The following CIP2A variants were observed in gnomAD, a reference collection of about 807,000 sequenced individuals.
CIP2A encodes protein CIP2A.
CIP2A carries 103 observed loss-of-function variants against 110.9 expected under a neutral mutation model. That is an observed-to-expected ratio of 0.93 (90% CI 0.79 to 1.09). CIP2A has a LOEUF of 1.09. CIP2A is among the 50% of genes least tolerant of loss of function. CIP2A has a pLI of 0.00. For missense variants in CIP2A, 1,088 were observed against 1,038.4 expected (o/e 1.05, Z -0.66); for synonymous variants, 381 against 361.6 (o/e 1.05, Z -0.61).
intron 12 of CIP2A, among the ~76,000 whole-genome samples, chr3:108,564,525 C>T (rs1405893920): frequency 6.6e-6 from 1 of 151,870 alleles, no homozygotes; most frequent in African/African-American, 2.4e-5. Context: ...CCAGATCAAA[C>T]CAGAAAGGAG....
At chr3:108,556,676 C>T (rs1937814153) in intron 17 of CIP2A, among the ~76,000 whole-genome samples, 1 of 152,128 alleles carries the variant, frequency 6.6e-6, no homozygotes, top group Non-Finnish European at 1.5e-5. Flanking sequence ...TGAACTTATT[C>T]TACAGATGTA....
At position 108,569,617 on chromosome 3, in the gene CIP2A, A is replaced by G; in HGVS notation, c.895-10T>C. On this transcript the variant is annotated splice_polypyrimidine_tract_variant and intron_variant, in intron 8 of 20. Coordinates refer to ENST00000295746, the MANE Select transcript of CIP2A (RefSeq NM_020890.3). ...GAAGTAATTCTAAAACCTGTGCAAT[A>G]TAAAGTGTTCATTAAACATCAATTT... 6.2e-7 allele frequency: 1 copy of G among 1,601,628 alleles called. No homozygotes were observed. Among genetic ancestry groups the G allele is most frequent in the Non-Finnish European group, 8.5e-7 (1 of 1,170,260 alleles).
intron 12 of CIP2A, 108 bp downstream of exon 12, chr3:108,565,247 C>A: frequency 1.7e-6 from 1 of 600,192 alleles, no homozygotes; most frequent in East Asian, 3.1e-5. Flanking sequence ...TTCTCATTGC[C>A]AATTCTAAGA....
Position 108,569,535 on chromosome 3 carries a change from G to A in CIP2A, c.967C>T (p.Gln323Ter). The change falls in exon 9 of 21, where the codon CAG becomes TAG. Residue 323 changes from glutamine to a stop codon, truncating the protein, a stop_gained. Coordinates refer to ENST00000295746, the MANE Select transcript of CIP2A (RefSeq NM_020890.3). LOFTEE classifies it high-confidence loss of function. Reference sequence around the variant, plus strand: ...AGAGTGGCGCTGCCAGGTGGAGACTGTTCAAACATCATCTGAGTGAGCATA... The same window carrying A: ...AGAGTGGCGCTGCCAGGTGGAGACTATTCAAACATCATCTGAGTGAGCATA... The part of the protein sequence containing the change: ...RHMLTQMMFE[Q>*]SPPGSATLGS... 1 of 1,612,758 alleles carries A rather than the reference G, an allele frequency of 6.2e-7. No homozygotes were observed. The highest frequency in any genetic ancestry group is 8.5e-7 in the Non-Finnish European group (1 of 1,179,294).
chr3:108,586,144 A>C (rs985439999), intron 1 of CIP2A, among the ~76,000 whole-genome samples: 2 of 152,184 alleles, frequency 1.3e-5, no homozygotes, highest in African/African-American at 4.8e-5. Flanking sequence ...GCATCCCTCT[A>C]ATCTTTCCTT....
At chr3:108,572,432 G>A (rs889287970) in intron 8 of CIP2A, among the ~76,000 whole-genome samples, 2 of 151,840 alleles carry the variant, frequency 1.3e-5, no homozygotes, top group Admixed American at 1.3e-4. Flanking sequence ...TTGACCCAGC[G>A]TCATTTATTG....
At chr3:108,566,890 G>GT (rs1938209147) in intron 10 of CIP2A, among the ~76,000 whole-genome samples, 2 of 151,714 alleles carry the variant, frequency 1.3e-5, no homozygotes, top group Admixed American at 1.3e-4. Flanking sequence ...TTGGATGTCT[G>GT]TTTTTTGTTA....
intron 3 of CIP2A, among the ~76,000 whole-genome samples, chr3:108,582,578 T>C (rs532403499): frequency 5.3e-5 from 8 of 152,336 alleles, no homozygotes; most frequent in African/African-American, 1.7e-4. Context: ...GTCAATGAAA[T>C]ATGAAGAGCT....
chr3:108,560,123 T>C, intron 14 of CIP2A, 95 bp from the exon 15 acceptor site: 1 of 685,454 alleles, frequency 1.5e-6, no homozygotes, highest in Non-Finnish European at 2.5e-6. Context: ...TCATTAAAAC[T>C]TAATGATGAG....
Position 108,583,087 on chromosome 3 carries a change from T to A in CIP2A, c.251-4A>T, listed in dbSNP as rs1938934986. On this transcript the variant is annotated splice_region_variant and splice_polypyrimidine_tract_variant and intron_variant, in intron 2 of 20. Transcript: ENST00000295746. ...TCTCTGGTTTCAATGTCTACTGCTATAAGTTAAAATAAAAGCACAAAATAT... is the reference window on the plus strand; with the variant it reads ...TCTCTGGTTTCAATGTCTACTGCTAAAAGTTAAAATAAAAGCACAAAATAT... 6.5e-7 allele frequency: 1 copy of A among 1,528,754 alleles called. No individual in the cohort carries two copies. The highest frequency in any genetic ancestry group is 1.8e-5 in the Admixed American group (1 of 55,406). The allele number at this position is 1,528,754 out of a possible 1,614,324, so 94.7% of individuals were successfully genotyped here.
rs1358692474 is a variant in CIP2A, at chr3:108,557,290, T to C, written c.2138A>G (p.His713Arg). 2 of 1,611,476 alleles carry C rather than the reference T, an allele frequency of 1.2e-6. No homozygotes were observed. The highest frequency in any genetic ancestry group is 1.7e-6 in the Non-Finnish European group (2 of 1,178,156). Reference sequence around the variant, plus strand: ...AGCCACAGACTCTAACTTCCTATTATGTTGAAAGAGATGCTCAATATCACT... The same window carrying C: ...AGCCACAGACTCTAACTTCCTATTACGTTGAAAGAGATGCTCAATATCACT... Reference protein sequence around the residue: ...AQSDIEHLFQHNRKLESVAEE... With the variant: ...AQSDIEHLFQRNRKLESVAEE... The change falls in exon 17 of 21, where the codon CAT becomes CGT. Residue 713 changes from histidine to arginine, a missense_variant. By Grantham distance (29) the His-to-Arg change is conservative. Transcript: ENST00000295746.
In CIP2A at chr3:108,582,254, T is replaced by C. The variant is rs568542689; in HGVS notation, c.358-52A>G. 5.2e-6 allele frequency: 4 copies of C among 765,186 alleles called. No individual in the cohort carries two copies. The East Asian group carries it at 8.4e-5, about 16-fold the overall frequency. The allele number at this position is 765,186 out of a possible 1,614,324, so 47.4% of individuals were successfully genotyped here. A position where few individuals can be genotyped will look rare whatever the true frequency, so the allele number is the denominator to read the frequency against. On this transcript the variant is annotated intron_variant, in intron 3 of 20. Transcript: ENST00000295746. ...ATAAAGATATAAAAACATTGCCTGC[T>C]TAAAATAATGGACTCTCAGGCACAT...
Position 108,575,305 on chromosome 3 carries a change from T to TAC in CIP2A, c.894+964_894+965dup, listed in dbSNP as rs576074577. Reference sequence around the variant, plus strand: ...ACGTGTACGTACACACACGTGTACGTACACACACGTGCATGTACACACACG... The same window carrying TAC: ...ACGTGTACGTACACACACGTGTACGTACACACACACGTGCATGTACACACACG... On this transcript the variant is annotated intron_variant, in intron 8 of 20. Transcript: ENST00000295746. 1.3e-3 allele frequency among the ~76,000 whole-genome samples: 194 copies of TAC among 146,792 alleles called. 2 individuals carry two copies. The highest frequency in any genetic ancestry group is 7.0e-3 in the East Asian group (36 of 5,108).
chr3:108,575,656 A>G (rs373765035), intron 8 of CIP2A, among the ~76,000 whole-genome samples: 2,236 of 65,328 alleles, frequency 0.034, 621 homozygotes, highest in East Asian at 0.11. Context: ...ATACATGTGT[A>G]TATATACGTG....
At chr3:108,569,681 C>CATTTTCAGCTTCA in intron 8 of CIP2A, 74 bp from the exon 9 acceptor site, 1 of 1,060,960 alleles carries the variant, frequency 9.4e-7, no homozygotes, top group Non-Finnish European at 1.4e-6. Context: ...TATGATGAAG[C>CATTTTCAGCTTCA]TGAAAATGCT....
At chr3:108,557,499 G>T in intron 16 of CIP2A, 85 bp from the exon 17 acceptor site, 1 of 1,010,612 alleles carries the variant, frequency 9.9e-7, no homozygotes, top group Non-Finnish European at 1.4e-6. Context: ...AGTTTACTAA[G>T]TATCTAATAA....
At chr3:108,587,679 C>T (rs570266467) in intron 1 of CIP2A, among the ~76,000 whole-genome samples, 3 of 152,210 alleles carry the variant, frequency 2.0e-5, no homozygotes, top group East Asian at 3.8e-4. Context: ...GAAGCCAGTG[C>T]TCTTCATACC....
chr3:108,582,163 T>C lies in CIP2A; in HGVS notation c.397A>G (p.Ile133Val), dbSNP rs1348719315. ...LLQKLTYNVK[I>V]FYSGANIDEL... ...TCTATATTGGCACCAGAATAGAAAA[T>C]TTTGACATTATATGTTAACTTCTGT... The change falls in exon 4 of 21, where the codon ATT becomes GTT. Residue 133 changes from isoleucine (I) to valine (V), a missense_variant. Ile to Val is a conservative substitution (Grantham distance 29, BLOSUM62 3). Coordinates refer to ENST00000295746, the MANE Select transcript of CIP2A (RefSeq NM_020890.3). 1.3e-6 allele frequency: 2 copies of C among 1,500,112 alleles called. No homozygotes were observed. Among genetic ancestry groups the C allele is most frequent in the African/African-American group, 1.4e-5 (1 of 71,914 alleles). 92.9% of individuals were successfully genotyped at this position (1,500,112 alleles called of 1,614,324 possible). A position where few individuals can be genotyped will look rare whatever the true frequency, so the allele number is the denominator to read the frequency against.
chr3:108,557,299 A>T lies in CIP2A; in HGVS notation c.2129T>A (p.Leu710His), dbSNP rs766563521. Residue 710 changes from leucine (L) to histidine (H), a missense_variant, in exon 17 of 21, where the codon CTC (leucine) becomes CAC (histidine). Physicochemically the swap from Leu to His is moderately conservative, Grantham distance 99. Coordinates refer to ENST00000295746, the MANE Select transcript of CIP2A (RefSeq NM_020890.3). ...SERAQSDIEH[L>H]FQHNRKLESV... ...CTCTAACTTCCTATTATGTTGAAAG[A>T]GATGCTCAATATCACTCTGCGCTCT... 1 of 1,611,852 alleles carries T rather than the reference A, an allele frequency of 6.2e-7. No individual in the cohort carries two copies. The highest frequency in any genetic ancestry group is 2.2e-5 in the East Asian group (1 of 44,844).
Sources: gnomAD v4.1 joint callset for allele counts (sites outside exome capture counted in the v4.1 genomes callset) on GRCh38, gnomAD v4.1.1 for gene constraint, MANE v1.5 for transcripts, NCBI Gene and HGNC (gene_info 2026-07-23, HGNC 2026-07-21) for gene names.